The following CLASP1 variants were observed in gnomAD, a reference collection of about 807,000 sequenced individuals.
CLASP1 encodes CLIP-associating protein 1.
Under a neutral mutation model 192.3 loss-of-function variants are expected in CLASP1, and 38 were observed. That is an observed-to-expected ratio of 0.20 (90% CI 0.15 to 0.26). The LOEUF (loss-of-function observed/expected upper bound fraction) is 0.26. CLASP1 is among the 10% of genes least tolerant of loss of function. The probability of loss-of-function intolerance (pLI) is 1.00; values close to 1 mark genes in which losing one functional copy is unlikely to be tolerated. For synonymous variants in CLASP1, 691 were observed against 712.8 expected (o/e 0.97, Z 0.49); for missense variants, 1,433 against 1,932.5 (o/e 0.74, Z 4.85).
intron 2 of CLASP1, among the ~76,000 whole-genome samples, chr2:121,592,937 C>G (rs1446200641): frequency 2.0e-5 from 3 of 152,148 alleles, no homozygotes; most frequent in Non-Finnish European, 4.4e-5. Flanking sequence ...TGAGCCACCA[C>G]GCCCGGCCTA....
intron 1 of CLASP1, among the ~76,000 whole-genome samples, chr2:121,620,184 GC>G (rs1559790696): frequency 6.7e-6 from 1 of 150,152 alleles, no homozygotes; most frequent in Non-Finnish European, 1.5e-5. Context: ...TCGTGCCGCT[GC>G]ACTCCAGCCT....
Position 121,442,572 on chromosome 2 carries a change from T to C in CLASP1, c.1912+4765A>G, listed in dbSNP as rs562025878. ...TCCGCTCACTACAACCTCCGCCTCC[T>C]GGGTTCAAGCAATTCTCCTGTTTCA... On this transcript the variant is annotated intron_variant, in intron 19 of 39. Coordinates refer to ENST00000263710, the Ensembl canonical transcript of CLASP1. 4.6e-5 allele frequency among the ~76,000 whole-genome samples: 7 copies of C among 151,782 alleles called. No individual in the cohort carries two copies. The East Asian group carries it at 7.9e-4, about 17-fold the overall frequency.
chr2:121,588,727 G>A (rs1230460122), intron 2 of CLASP1, among the ~76,000 whole-genome samples: 1 of 152,088 alleles, frequency 6.6e-6, no homozygotes, highest in African/African-American at 2.4e-5. Flanking sequence ...CCCAATGCCT[G>A]AGGCTTCCAC....
intron 6 of CLASP1, among the ~76,000 whole-genome samples, chr2:121,524,985 G>C (rs1194637362): frequency 6.6e-6 from 1 of 152,102 alleles, no homozygotes. Flanking sequence ...CTAGAGGCCA[G>C]GGGAGGTCGG....
At chr2:121,608,648 A>G (rs2064777357) in intron 1 of CLASP1, among the ~76,000 whole-genome samples, 1 of 152,186 alleles carries the variant, frequency 6.6e-6, no homozygotes, top group African/African-American at 2.4e-5. Flanking sequence ...GTAAGGAAAC[A>G]AGCAGAAAAG....
At chr2:121,356,896 AG>A (rs1282459995) in intron 37 of CLASP1, among the ~76,000 whole-genome samples, 2 of 152,200 alleles carry the variant, frequency 1.3e-5, no homozygotes, top group African/African-American at 4.8e-5. Flanking sequence ...AATGATGAGA[AG>A]GAGTGGAAAG....
chr2:121,509,104 A>G (rs143247166), intron 7 of CLASP1, among the ~76,000 whole-genome samples: 2 of 152,348 alleles, frequency 1.3e-5, no homozygotes, highest in African/African-American at 4.8e-5. Flanking sequence ...CAACCAGAAA[A>G]TAAGACTTCA....
intron 8 of CLASP1, among the ~76,000 whole-genome samples, chr2:121,478,729 C>CA (rs2092044615): frequency 1.1e-5 from 1 of 88,852 alleles, no homozygotes; most frequent in Non-Finnish European, 2.3e-5. Flanking sequence ...CACACACACA[C>CA]CACACACACA....
chr2:121,530,202 G>A, intron 3 of CLASP1, 45 bp downstream of exon 3: 1 of 1,504,776 alleles, frequency 6.6e-7, no homozygotes, highest in Non-Finnish European at 9.0e-7. Context: ...GGGAAGGCTG[G>A]GGGTCTGAAG....
intron 8 of CLASP1, among the ~76,000 whole-genome samples, chr2:121,487,346 C>T (rs561867587): frequency 3.0e-4 from 46 of 152,080 alleles, no homozygotes; most frequent in Admixed American, 9.2e-4. Flanking sequence ...TTTTAATGAC[C>T]TGTTTTAAAT....
intron 23 of CLASP1, among the ~76,000 whole-genome samples, chr2:121,416,441 C>T (rs1284913335): frequency 6.6e-6 from 1 of 152,102 alleles, no homozygotes; most frequent in African/African-American, 2.4e-5. Context: ...AAAGAGCTGG[C>T]TACGTAAGTG....
At chr2:121,438,285 C>T (rs1296883622) in intron 19 of CLASP1, among the ~76,000 whole-genome samples, 1 of 152,198 alleles carries the variant, frequency 6.6e-6, no homozygotes, top group Non-Finnish European at 1.5e-5. Flanking sequence ...AAATTTAAAA[C>T]CACAACTTGT....
At chr2:121,357,102 C>T (rs1294296049) in intron 37 of CLASP1, among the ~76,000 whole-genome samples, 1 of 152,154 alleles carries the variant, frequency 6.6e-6, no homozygotes. Flanking sequence ...GACAATGTAC[C>T]GGCTACCCCA....
At chr2:121,490,399 G>T in intron 8 of CLASP1, 1 of 357,616 alleles carries the variant, frequency 2.8e-6, no homozygotes, top group Non-Finnish European at 5.5e-6. Context: ...AGTGTGATCC[G>T]GCAGCACCAA....
chr2:121,632,545 A>G lies in CLASP1; in HGVS notation c.-286+16827T>C, dbSNP rs371719953. On this transcript the variant is annotated intron_variant, in intron 1 of 39. Coordinates refer to ENST00000263710, the Ensembl canonical transcript of CLASP1. ...TCATACAACTCATTTAAAAAAAAAA[A>G]GGAGGAAGTCTTCAATGTACTCACA... Among the ~76,000 whole-genome samples, 66 of 152,152 alleles carry G rather than the reference A, an allele frequency of 4.3e-4. 2 individuals are homozygous for G. In the East Asian group the frequency reaches 0.012, roughly 28 times the overall value.
At chr2:121,545,369 C>T (rs753005187) in intron 2 of CLASP1, among the ~76,000 whole-genome samples, 21 of 151,886 alleles carry the variant, frequency 1.4e-4, no homozygotes, top group African/African-American at 4.4e-4. Context: ...TTTTTAATCA[C>T]GGGGGTGGGG....
In CLASP1 at chr2:121,530,900, T is replaced by G. The variant is rs966589874; in HGVS notation, c.196-575A>C. 21 of 695,550 alleles carry G rather than the reference T, an allele frequency of 3.0e-5. No individual in the cohort carries two copies. Among genetic ancestry groups the G allele is most frequent in the Middle Eastern group, 7.3e-4 (2 of 2,744 alleles). The allele number at this position is 695,550 out of a possible 1,614,324, so 43.1% of individuals were successfully genotyped here. ...ATTATAACCATCCTTTTCTTGGGGT[T>G]GCGCTACTGTCCAATGAGCGCATAG... On this transcript the variant is annotated intron_variant, in intron 2 of 39. Transcript: ENST00000263710.
intron 39 of CLASP1, among the ~76,000 whole-genome samples, chr2:121,341,382 T>C (rs2062768717): frequency 6.6e-6 from 1 of 152,212 alleles, no homozygotes; most frequent in Non-Finnish European, 1.5e-5. Context: ...GCAAATCCTC[T>C]AACCTTCACA....
intron 1 of CLASP1, among the ~76,000 whole-genome samples, chr2:121,608,068 T>C (rs1437094992): frequency 6.6e-6 from 1 of 152,212 alleles, no homozygotes; most frequent in Non-Finnish European, 1.5e-5. Flanking sequence ...TTTCCAGTCA[T>C]GTCCAAATGC....
Sources: gnomAD v4.1 joint callset for allele counts (sites outside exome capture counted in the v4.1 genomes callset) on GRCh38, gnomAD v4.1.1 for gene constraint, MANE v1.5 for transcripts, NCBI Gene and HGNC (gene_info 2026-07-23, HGNC 2026-07-21) for gene names.